The following INSYN1 variants were observed in gnomAD, a reference collection of about 807,000 sequenced individuals.
The protein encoded by INSYN1 is UPF0583 protein C15orf59.
In INSYN1, 7 loss-of-function variants were observed where a neutral mutation model predicts 17.1. The observed-to-expected ratio is 0.41, with a 90% CI of 0.23 to 0.77. The LOEUF (loss-of-function observed/expected upper bound fraction) is 0.77. Ranked by LOEUF, INSYN1 falls within the 30% of genes least tolerant of loss-of-function variation. The pLI is 0.32. For missense variants in INSYN1, 339 were observed against 400.6 expected (o/e 0.85, Z 1.31); for synonymous variants, 174 against 166.3 (o/e 1.05, Z -0.36).
At chr15:73,745,145 T>C in intron 2 of INSYN1, among the ~76,000 whole-genome samples, 1 of 152,124 alleles carries the variant, frequency 6.6e-6, no homozygotes, top group East Asian at 1.9e-4. Flanking sequence ...TGCTTCATGC[T>C]GCACCTAGGG....
intron 2 of INSYN1, among the ~76,000 whole-genome samples, chr15:73,745,402 C>T (rs944448098): frequency 1.1e-3 from 163 of 152,282 alleles, no homozygotes; most frequent in Non-Finnish European, 1.7e-3. Flanking sequence ...GTCTTCACTT[C>T]GAGAAGGAAG....
chr15:73,741,246 AC>A (rs1901684667), intron 2 of INSYN1, among the ~76,000 whole-genome samples: 1 of 152,046 alleles, frequency 6.6e-6, no homozygotes, highest in Admixed American at 6.5e-5. Context: ...TGGCTGGGTC[AC>A]CCCACCCCCA....
At chr15:73,750,820 T>C (rs148270232) in intron 2 of INSYN1, among the ~76,000 whole-genome samples, 155 bp downstream of exon 2, 1 of 152,268 alleles carries the variant, frequency 6.6e-6, no homozygotes, top group East Asian at 1.9e-4. Context: ...AAAGCAGATT[T>C]GCGGAAAGGA....
intron 2 of INSYN1, among the ~76,000 whole-genome samples, chr15:73,749,657 G>A (rs574699843): frequency 1.3e-4 from 20 of 152,174 alleles, no homozygotes; most frequent in Admixed American, 2.6e-4. Context: ...GGCATCTGGC[G>A]CTTGATCTCC....
rs1306843757 is a variant in INSYN1, at chr15:73,751,091, C to T, written c.40G>A (p.Asp14Asn). 1 of 1,614,048 alleles carries T rather than the reference C, an allele frequency of 6.2e-7. No individual in the cohort carries two copies. Among genetic ancestry groups the T allele is most frequent in the Non-Finnish European group, 8.5e-7 (1 of 1,180,036 alleles). Residue 14 changes from aspartate to asparagine, a missense_variant, in exon 2 of 3, where the codon GAC becomes AAC. By Grantham distance (23) the Asp-to-Asn change is conservative. Transcript: ENST00000569673. ...RGAPDLGQPS[D>N]DPSSGGERER... is the part of the protein sequence containing the mutation. The stretch of plus-strand genomic sequence containing the variant: ...CGCTCACCACCACTGCTGGGGTCGT[C>T]ACTGGGCTGCCCGAGGTCCGGGGCG...
rs1316018624 is a variant in INSYN1, at chr15:73,738,313, T to C, written c.*1604A>G. The C allele has an allele frequency of 6.6e-6, 1 of 152,302 alleles. No homozygotes were observed. Among genetic ancestry groups the C allele is most frequent in the Non-Finnish European group, 1.5e-5 (1 of 68,100 alleles). 9.4% of individuals were successfully genotyped at this position (152,302 alleles called of 1,614,324 possible). On this transcript the variant is annotated 3_prime_UTR_variant, in exon 3 of 3. Coordinates refer to ENST00000569673, the MANE Select transcript of INSYN1 (RefSeq NM_001039614.3). ...GCACAGCCTGGAAATCACTAATTCTTGGGGGCAGAGTAGCACAGGCTTTGT... is the reference window on the plus strand; with the variant it reads ...GCACAGCCTGGAAATCACTAATTCTCGGGGGCAGAGTAGCACAGGCTTTGT...
intron 2 of INSYN1, among the ~76,000 whole-genome samples, chr15:73,747,303 G>T (rs1901861142): frequency 6.6e-6 from 1 of 152,124 alleles, no homozygotes; most frequent in African/African-American, 2.4e-5. Context: ...TTTTCCCACT[G>T]GCAGGGAGTG....
chr15:73,739,863 ATATATT>A lies in INSYN1; in HGVS notation c.*48_*53del, dbSNP rs1000508744. 3.1e-5 allele frequency: 10 copies of A among 317,728 alleles called. No homozygotes were observed. The highest frequency in any genetic ancestry group is 2.0e-4 in the African/African-American group (9 of 45,232). 19.7% of individuals were successfully genotyped at this position (317,728 alleles called of 1,614,324 possible). Reference sequence around the variant, plus strand: ...AATATATATATATATATATATATATATATATTTATTTATAGCTCTATGTGCCCACCG... The same window carrying A: ...AATATATATATATATATATATATATATATTTATAGCTCTATGTGCCCACCG... On this transcript the variant is annotated 3_prime_UTR_variant, in exon 3 of 3. Transcript: ENST00000569673.
chr15:73,740,178 C>T lies in INSYN1; in HGVS notation c.621G>A (p.Glu207=). The change falls in exon 3 of 3, where the codon GAG becomes GAA. Residue 207 remains glutamate (E), a synonymous_variant. Coordinates refer to ENST00000569673, the MANE Select transcript of INSYN1 (RefSeq NM_001039614.3). ...LCCDDEEGDG[E]QEVEEEEVGL... is the part of the protein sequence containing the mutation. ...CCACTTCTTCCTCCTCCACCTCCTG[C>T]TCACCGTCCCCCTCCTCATCGTCAC... 1 of 1,614,126 alleles carries T rather than the reference C, an allele frequency of 6.2e-7. No individual in the cohort carries two copies. Among genetic ancestry groups the T allele is most frequent in the Non-Finnish European group, 8.5e-7 (1 of 1,180,002 alleles).
Position 73,750,441 on chromosome 15 carries a change from C to T in INSYN1, c.156+534G>A, listed in dbSNP as rs145291281. Among the ~76,000 whole-genome samples the T allele has an allele frequency of 8.9e-3, 1,355 of 152,282 alleles. 9 individuals are homozygous for T. Among genetic ancestry groups the T allele is most frequent in the South Asian group, 0.021 (99 of 4,822 alleles). ...AGCACCCCCAGACCCATTCTTACCC[C>T]CGGACAAAGAGGACATAGCTGGCTT... On this transcript the variant is annotated intron_variant, in intron 2 of 2. Coordinates refer to ENST00000569673, the MANE Select transcript of INSYN1 (RefSeq NM_001039614.3).
intron 2 of INSYN1, among the ~76,000 whole-genome samples, chr15:73,741,167 A>G (rs928496007): frequency 1.3e-5 from 2 of 152,180 alleles, no homozygotes; most frequent in African/African-American, 4.8e-5. Context: ...CAGTCCTTGC[A>G]GCTGACTGGT....
chr15:73,751,220 G>A lies in INSYN1; in HGVS notation c.-90C>T. The A allele has an allele frequency of 1.3e-6, 2 of 1,497,952 alleles. No homozygotes were observed. The highest frequency in any genetic ancestry group is 1.2e-5 in the South Asian group (1 of 83,516). 92.8% of individuals were successfully genotyped at this position (1,497,952 alleles called of 1,614,324 possible). The stretch of plus-strand genomic sequence containing the variant: ...CCACGGAGCCCCCCTCGGCTGGGCA[G>A]AGCTCCACATTTTAACGGCCCCCCA... On this transcript the variant is annotated 5_prime_UTR_variant, in exon 2 of 3. Transcript: ENST00000569673.
chr15:73,741,822 C>A (rs1309141624), intron 2 of INSYN1, among the ~76,000 whole-genome samples: 1 of 152,180 alleles, frequency 6.6e-6, no homozygotes, highest in East Asian at 1.9e-4. Context: ...CTTAATTCAA[C>A]AAACAGTTGC....
rs374774515 is a variant in INSYN1, at chr15:73,751,110, C to T, written c.21G>A (p.Pro7=). Residue 7 remains proline, a synonymous_variant, in exon 2 of 3, where the codon CCG becomes CCA. Coordinates refer to ENST00000569673, the MANE Select transcript of INSYN1 (RefSeq NM_001039614.3). MNIRGA[P]DLGQPSDDPS... ...GGTCGTCACTGGGCTGCCCGAGGTC[C>T]GGGGCGCCCCGAATGTTCATCGTTT... 97 of 1,613,754 alleles carry T rather than the reference C, an allele frequency of 6.0e-5. No homozygotes were observed. Among genetic ancestry groups the T allele is most frequent in the Middle Eastern group, 1.6e-4 (1 of 6,084 alleles).
chr15:73,749,026 G>C (rs1901909021), intron 2 of INSYN1, among the ~76,000 whole-genome samples: 1 of 152,210 alleles, frequency 6.6e-6, no homozygotes, highest in African/African-American at 2.4e-5. Context: ...GAGGCCTCTG[G>C]GCTGCATAGC....
intron 2 of INSYN1, among the ~76,000 whole-genome samples, chr15:73,746,405 C>T (rs2141469818): frequency 6.6e-6 from 1 of 152,344 alleles, no homozygotes; most frequent in East Asian, 1.9e-4. Context: ...AGCTGACCCA[C>T]TTTGGCGCAG....
intron 2 of INSYN1, among the ~76,000 whole-genome samples, chr15:73,745,810 A>AAAAAC (rs10623860): frequency 0.39 from 57,724 of 149,796 alleles, 11,578 homozygotes; most frequent in East Asian, 0.57. Context: ...CTCCGTCTCA[A>AAAAAC]AAAACAAAAC....
rs1209243052 is a variant in INSYN1 at position 73,751,198 on chromosome 15, C to A, written c.-68G>T. ...TGGGCACACACTGCGTCTGCCTCCA[C>A]GGAGCCCCCCTCGGCTGGGCAGAGC... On this transcript the variant is annotated 5_prime_UTR_variant, in exon 2 of 3. Coordinates refer to ENST00000569673, the MANE Select transcript of INSYN1 (RefSeq NM_001039614.3). 3.8e-6 allele frequency: 6 copies of A among 1,570,884 alleles called. No individual in the cohort carries two copies. Among genetic ancestry groups the A allele is most frequent in the Admixed American group, 1.7e-5 (1 of 57,644 alleles).
chr15:73,753,345 A>G lies in INSYN1; in HGVS notation c.-1803T>C, dbSNP rs886179138. 8.0e-5 allele frequency among the ~76,000 whole-genome samples: 12 copies of G among 150,354 alleles called. No homozygotes were observed. Among genetic ancestry groups the G allele is most frequent in the Admixed American group, 5.9e-4 (9 of 15,174 alleles). On this transcript the variant is annotated 5_prime_UTR_variant, in exon 1 of 3. Coordinates refer to ENST00000569673, the MANE Select transcript of INSYN1 (RefSeq NM_001039614.3). This position sits in a 1 kb window ranked among gnomAD's most constrained non-coding sequence, Gnocchi z 4.2. Reference sequence around the variant, plus strand: ...CCGCTTGCCTCGGCGCTGTCAGGGAAGGGGCCGGCCCGCCGCGCCGGGAGG... The same window carrying G: ...CCGCTTGCCTCGGCGCTGTCAGGGAGGGGGCCGGCCCGCCGCGCCGGGAGG...
Sources: gnomAD v4.1 joint callset for allele counts (sites outside exome capture counted in the v4.1 genomes callset) on GRCh38, gnomAD v4.1.1 for gene constraint, Gnocchi (gnomAD v3.1) non-coding constraint, MANE v1.5 for transcripts, NCBI Gene and HGNC (gene_info 2026-07-23, HGNC 2026-07-21) for gene names.